The following CTNNA3 variants were observed in gnomAD, a reference collection of about 807,000 sequenced individuals.
CTNNA3 encodes the protein catenin alpha 3, also known as catenin alpha-3.
In CTNNA3, 76 loss-of-function variants were observed where a neutral mutation model predicts 95.7. The observed-to-expected ratio is 0.79, with a 90% CI of 0.66 to 0.96. The LOEUF (loss-of-function observed/expected upper bound fraction) is 0.96, where lower values mean the gene tolerates loss of function less well. CTNNA3 is among the 40% of genes least tolerant of loss of function. The pLI is 0.00. For synonymous variants in CTNNA3, 431 were observed against 374.4 expected, an observed-to-expected ratio of 1.15 and a Z score of -1.74; for missense variants, 1,191 against 1,089.8, an observed-to-expected ratio of 1.09 and a Z score of -1.31.
chr10:66,083,901 C>T (rs1335213810), intron 14 of CTNNA3, among the ~76,000 whole-genome samples: 3 of 151,766 alleles, frequency 2.0e-5, no homozygotes, highest in East Asian at 1.9e-4. Context: ...TTTGGGAGGC[C>T]GAGGCAGGTG....
chr10:66,328,146 A>G (rs2132308373), intron 12 of CTNNA3, among the ~76,000 whole-genome samples: 1 of 152,200 alleles, frequency 6.6e-6, no homozygotes, highest in Admixed American at 6.5e-5. Context: ...CAATAATGAC[A>G]ACAATCTTTT....
chr10:66,811,127 T>C (rs1841858412), intron 7 of CTNNA3, among the ~76,000 whole-genome samples: 1 of 152,172 alleles, frequency 6.6e-6, no homozygotes, highest in South Asian at 2.1e-4. Context: ...CAAGCACTAG[T>C]CCATGTAGTA....
intron 5 of CTNNA3, among the ~76,000 whole-genome samples, chr10:67,357,768 A>G (rs960406615): frequency 4.6e-5 from 7 of 152,122 alleles, no homozygotes; most frequent in Non-Finnish European, 8.8e-5. Flanking sequence ...ACAAAGAACA[A>G]TAAAGGGGTG....
chr10:66,116,825 A>G (rs1297445343), intron 13 of CTNNA3, among the ~76,000 whole-genome samples: 1 of 152,108 alleles, frequency 6.6e-6, no homozygotes, highest in Non-Finnish European at 1.5e-5. Context: ...GGAGCAGGAG[A>G]GACAGAGCCA....
In CTNNA3 at chr10:67,525,159, T is replaced by G. The variant is rs566431534; in HGVS notation, c.460-3198A>C. Reference sequence around the variant, plus strand: ...TGTTGAACCTTGAATTTATCCTGTGTTTTTTTTTTTAACTCGTTATAAACC... The same window carrying G: ...TGTTGAACCTTGAATTTATCCTGTGGTTTTTTTTTTAACTCGTTATAAACC... On this transcript the variant is annotated intron_variant, in intron 4 of 17. Transcript: ENST00000433211. Among the ~76,000 whole-genome samples the G allele has an allele frequency of 6.4e-4, 37 of 58,140 alleles. No individual in the cohort carries two copies. The East Asian group carries it at 0.049, about 76-fold the overall frequency. The allele number at this position is 58,140 out of a possible 152,430, so 38.1% of individuals were successfully genotyped here.
intron 13 of CTNNA3, among the ~76,000 whole-genome samples, chr10:66,115,875 C>G (rs1201528329): frequency 6.6e-6 from 1 of 152,064 alleles, no homozygotes; most frequent in Non-Finnish European, 1.5e-5. Flanking sequence ...TTACACATTA[C>G]TGTAGGGGGG....
intron 5 of CTNNA3, among the ~76,000 whole-genome samples, chr10:67,310,964 A>C (rs1009236835): frequency 6.6e-6 from 1 of 152,222 alleles, no homozygotes; most frequent in African/African-American, 2.4e-5. Context: ...TAATTTGTGA[A>C]AATGAGCTTA....
intron 7 of CTNNA3, among the ~76,000 whole-genome samples, chr10:66,859,308 C>G (rs992938924): frequency 6.6e-6 from 1 of 151,666 alleles, no homozygotes; most frequent in Non-Finnish European, 1.5e-5. Flanking sequence ...TGAACTCAAA[C>G]AAATTTACAA....
rs575138771 is a variant in CTNNA3, at chr10:67,277,243, T to A, written c.580-57373A>T. Among the ~76,000 whole-genome samples the A allele has an allele frequency of 2.6e-5, 4 of 152,336 alleles. No homozygotes were observed. The East Asian group carries it at 7.7e-4, about 29-fold the overall frequency. On this transcript the variant is annotated intron_variant, in intron 5 of 17. Transcript: ENST00000433211. ...GCAATCCCTGTGGTTATTTGTTCAA[T>A]GCCCACTGCCTTCTGATGCAACTGG...
intron 5 of CTNNA3, among the ~76,000 whole-genome samples, chr10:67,340,127 T>C (rs1310240858): frequency 6.6e-6 from 1 of 152,186 alleles, no homozygotes; most frequent in East Asian, 1.9e-4. Context: ...AAAAGAATGC[T>C]TGGAATGTTT....
chr10:66,083,109 A>T (rs1160895605), intron 14 of CTNNA3, among the ~76,000 whole-genome samples: 1 of 152,126 alleles, frequency 6.6e-6, no homozygotes. Context: ...ACAAGAAAAC[A>T]TTATCCTATG....
intron 10 of CTNNA3, among the ~76,000 whole-genome samples, chr10:66,521,531 T>G (rs1024993449): frequency 6.6e-5 from 10 of 152,114 alleles, no homozygotes; most frequent in African/African-American, 2.2e-4. Context: ...AACATTGCCC[T>G]TGTTTCAGGA....
chr10:67,064,021 T>C (rs928163352), intron 7 of CTNNA3, among the ~76,000 whole-genome samples: 8 of 152,208 alleles, frequency 5.3e-5, no homozygotes, highest in African/African-American at 1.7e-4. Flanking sequence ...TCTATGCACG[T>C]GTGCTTTGGC....
At chr10:66,881,536 A>T (rs1844851503) in intron 7 of CTNNA3, among the ~76,000 whole-genome samples, 1 of 152,124 alleles carries the variant, frequency 6.6e-6, no homozygotes, top group South Asian at 2.1e-4. Flanking sequence ...AGCTAAGAGC[A>T]CTTCATCTGT....
intron 9 of CTNNA3, among the ~76,000 whole-genome samples, chr10:66,624,273 AATG>A (rs1357559440): frequency 6.6e-6 from 1 of 152,120 alleles, no homozygotes; most frequent in African/African-American, 2.4e-5. Context: ...TGAGTATGAT[AATG>A]ATGACCTCAC....
intron 9 of CTNNA3, among the ~76,000 whole-genome samples, chr10:66,651,799 T>TGGCCCTTGATCGCGGCACACAGCAG (rs1465036980): frequency 3.7e-5 from 1 of 27,216 alleles, no homozygotes; most frequent in East Asian, 0.016. Flanking sequence ...GAACCCGCAT[T>TGGCCCTTGATCGCGGCACACAGCAG]GGCCGGTTCC....
At chr10:66,752,118 A>G (rs1002172468) in intron 9 of CTNNA3, among the ~76,000 whole-genome samples, 4 of 152,178 alleles carry the variant, frequency 2.6e-5, no homozygotes, top group African/African-American at 9.7e-5. Flanking sequence ...TTACATGGAA[A>G]AGCTAAAGAA....
At chr10:66,703,660 G>A (rs183166400) in intron 9 of CTNNA3, among the ~76,000 whole-genome samples, 1 of 152,300 alleles carries the variant, frequency 6.6e-6, no homozygotes, top group African/African-American at 2.4e-5. Context: ...AAACAGTGAG[G>A]ATGCAAGCTT....
intron 15 of CTNNA3, among the ~76,000 whole-genome samples, chr10:66,041,961 TAAC>T (rs2079699395): frequency 1.3e-5 from 2 of 152,110 alleles, no homozygotes; most frequent in Non-Finnish European, 2.9e-5. Context: ...GCATAACAAA[TAAC>T]ATCCTCTACA....
Sources: allele counts gnomAD v4.1 joint callset (sites outside exome capture counted in the v4.1 genomes callset), GRCh38; gene constraint gnomAD v4.1.1; transcripts MANE v1.5; gene names NCBI Gene and HGNC (gene_info 2026-07-23, HGNC 2026-07-21).